The following DOC2B variants were observed in gnomAD, a reference collection of about 807,000 sequenced individuals.
DOC2B encodes double C2 domain beta.
A neutral mutation model predicts 28.9 loss-of-function variants in DOC2B; 21 were observed. The observed-to-expected ratio is 0.73, with a 90% CI of 0.52 to 1.05. The LOEUF is 1.05. Ranked by LOEUF, DOC2B falls within the 50% of genes least tolerant of loss-of-function variation. DOC2B has a pLI of 0.00. For missense variants in DOC2B, 384 were observed against 421.1 expected (o/e 0.91, Z 0.77); for synonymous variants, 194 against 178.1 (o/e 1.09, Z -0.71).
rs1023847973 is a variant in DOC2B, at chr17:147,494, C to G, written c.1186G>C (p.Glu396Gln). The change falls in exon 9 of 9, where the codon GAG becomes CAG. Residue 396 changes from glutamate to glutamine, a missense_variant. By Grantham distance (29) the Glu-to-Gln change is conservative (BLOSUM62 2). Coordinates refer to ENST00000613549, the MANE Select transcript of DOC2B (RefSeq NM_003585.5). ...DCLKNKDKRI[E>Q]RWHTLTSELP... ...TCGCTGGTGAGCGTGTGCCAGCGCT[C>G]GATGCGCTTGTCCTTGTTCTTCAGG... 7.5e-6 allele frequency: 3 copies of G among 398,826 alleles called. No individual in the cohort carries two copies. Among genetic ancestry groups the G allele is most frequent in the Middle Eastern group, 6.3e-4 (1 of 1,588 alleles). 24.7% of individuals were successfully genotyped at this position (398,826 alleles called of 1,614,324 possible).
In DOC2B at chr17:164,160, G is replaced by C; in HGVS notation, c.498C>G (p.Val166=). The C allele has an allele frequency of 6.4e-7, 1 of 1,553,934 alleles. No homozygotes were observed. The highest frequency in any genetic ancestry group is 8.7e-7 in the Non-Finnish European group (1 of 1,148,096). Residue 166 remains valine (V), a synonymous_variant, in exon 3 of 9, where the codon GTC becomes GTG. Coordinates refer to ENST00000613549, the MANE Select transcript of DOC2B (RefSeq NM_003585.5). The stretch of plus-strand genomic sequence containing the variant: ...TGGCTCCTGGCAGCAGGTGCAGCTT[G>C]ACGTAGGGGTCTGCCAGCCCATTGT... ...MDHNGLADPY[V]KLHLLPGASK... is the part of the protein sequence containing the mutation.
At chr17:180,306 G>T (rs562101475) in intron 1 of DOC2B, among the ~76,000 whole-genome samples, 10 of 152,186 alleles carry the variant, frequency 6.6e-5, no homozygotes, top group South Asian at 2.1e-4. Flanking sequence ...GGGAAAAGGC[G>T]CCAGGAGCGC....
chr17:181,112 T>C lies in DOC2B; in HGVS notation c.368A>G (p.Asp123Gly). The change falls in exon 1 of 9, where the codon GAC (aspartate) becomes GGC (glycine). Residue 123 changes from aspartate to glycine, a missense_variant. Coordinates refer to ENST00000613549, the MANE Select transcript of DOC2B (RefSeq NM_003585.5). This position sits in a 1 kb window ranked among gnomAD's most constrained non-coding sequence, Gnocchi z 7.0. Reference sequence around the variant, plus strand: ...TCGGCGCGTGGGAAACTTACTGCAGTCGTCCGACTCGTAGCCGTCGGCGTC... The same window carrying C: ...TCGGCGCGTGGGAAACTTACTGCAGCCGTCCGACTCGTAGCCGTCGGCGTC... The part of the protein sequence containing the change: ...EPDADGYESD[D>G]CTALGTLDFS... 8.0e-7 allele frequency: 1 copy of C among 1,246,146 alleles called. No individual in the cohort carries two copies. The highest frequency in any genetic ancestry group is 1.0e-6 in the Non-Finnish European group (1 of 994,392). 77.2% of individuals were successfully genotyped at this position (1,246,146 alleles called of 1,614,324 possible). A position where few individuals can be genotyped will look rare whatever the true frequency, so the allele number is the denominator to read the frequency against.
At chr17:147,665 G>T (rs1309149239) in intron 8 of DOC2B, 88 bp from the exon 9 acceptor site, 1 of 398,564 alleles carries the variant, frequency 2.5e-6, no homozygotes, top group Admixed American at 4.4e-5. Context: ...TTCTGTGCTC[G>T]AAGGCCAGCC....
At chr17:147,616 C>T in intron 8 of DOC2B, 39 bp from the exon 9 acceptor site, 5 of 398,846 alleles carry the variant, frequency 1.3e-5, no homozygotes, top group South Asian at 1.3e-4. Flanking sequence ...GCACAGGGAC[C>T]CCCAACTCCC....
rs751400300 is a variant in DOC2B, at chr17:172,527, C to T, written c.453+10G>A. 1.4e-5 allele frequency: 22 copies of T among 1,549,324 alleles called. No individual in the cohort carries two copies. Among genetic ancestry groups the T allele is most frequent in the Non-Finnish European group, 1.7e-5 (19 of 1,145,552 alleles). ...GGCAGGGAATTTGGGGGCAGGCTGG[C>T]GGGGCCTACCTTGGCCTTGGTGATG... On this transcript the variant is annotated intron_variant, in intron 2 of 8. Coordinates refer to ENST00000613549, the MANE Select transcript of DOC2B (RefSeq NM_003585.5).
chr17:150,178 A>T (rs2040056792), intron 6 of DOC2B, among the ~76,000 whole-genome samples: 1 of 152,206 alleles, frequency 6.6e-6, no homozygotes, highest in East Asian at 1.9e-4. Flanking sequence ...AGGCTGGAGA[A>T]GGGGACAAGA....
At chr17:149,651 A>G (rs2040051912) in intron 6 of DOC2B, among the ~76,000 whole-genome samples, 1 of 151,900 alleles carries the variant, frequency 6.6e-6, no homozygotes, top group African/African-American at 2.4e-5. Flanking sequence ...GACTACAGGC[A>G]TGTGCCGCCA....
At chr17:156,433 T>C (rs1456914796) in intron 5 of DOC2B, 56 bp from the exon 6 acceptor site, 2 of 1,529,100 alleles carry the variant, frequency 1.3e-6, no homozygotes, top group Non-Finnish European at 1.8e-6. Context: ...CTCTTGGCCG[T>C]CCTTGGCCTC....
At chr17:175,621 A>G (rs2040361345) in intron 1 of DOC2B, among the ~76,000 whole-genome samples, 1 of 152,236 alleles carries the variant, frequency 6.6e-6, no homozygotes, top group African/African-American at 2.4e-5. Flanking sequence ...GCAGACACAC[A>G]TGGCTGGTCC....
chr17:160,980 T>A (rs2040195490), intron 5 of DOC2B, among the ~76,000 whole-genome samples: 1 of 152,072 alleles, frequency 6.6e-6, no homozygotes, highest in African/African-American at 2.4e-5. Context: ...CAGGCTTCAG[T>A]GGCTCAGGCC....
chr17:159,311 C>T (rs752246030), intron 5 of DOC2B, among the ~76,000 whole-genome samples: 4 of 151,580 alleles, frequency 2.6e-5, no homozygotes, highest in African/African-American at 9.7e-5. Flanking sequence ...GCCAACATGG[C>T]GAACCCCCGT....
intron 7 of DOC2B, 74 bp from the exon 8 acceptor site, chr17:148,343 G>T: frequency 2.5e-6 from 1 of 398,540 alleles, no homozygotes; most frequent in Non-Finnish European, 4.4e-6. Flanking sequence ...GGGGTATGAG[G>T]TGTAGGGACA....
At chr17:179,322 T>C (rs34891882) in intron 1 of DOC2B, among the ~76,000 whole-genome samples, 86,705 of 150,960 alleles carry the variant, frequency 0.57, 26,065 homozygotes, top group East Asian at 0.85. Flanking sequence ...GCTGAGCTGA[T>C]GGATTGGAGA....
chr17:169,511 A>C (rs1213431284), intron 2 of DOC2B, among the ~76,000 whole-genome samples: 1 of 152,118 alleles, frequency 6.6e-6, no homozygotes, highest in Non-Finnish European at 1.5e-5. Context: ...AGAAGTAAAA[A>C]AAAGTGGTTG....
rs1158518115 is a variant in DOC2B at position 143,800 on chromosome 17, T to C, written c.*3641A>G. 6 of 152,028 alleles carry C rather than the reference T, an allele frequency of 3.9e-5. No homozygotes were observed. The highest frequency in any genetic ancestry group is 3.9e-4 in the Admixed American group (6 of 15,288). The allele number at this position is 152,028 out of a possible 1,614,324, so 9.4% of individuals were successfully genotyped here. ...GTAGGTCAGACCAAAATACAAAACT[T>C]GTCTGTGGGACTGCAGTTTGAGGAC... On this transcript the variant is annotated 3_prime_UTR_variant, in exon 9 of 9. Transcript: ENST00000613549.
chr17:158,556 G>A (rs989015529), intron 5 of DOC2B, among the ~76,000 whole-genome samples: 10 of 152,160 alleles, frequency 6.6e-5, no homozygotes, highest in Admixed American at 3.9e-4. Flanking sequence ...ATGGCTAATC[G>A]ATCCTAGCAT....
chr17:147,654 G>C (rs1326327186), intron 8 of DOC2B, 77 bp from the exon 9 acceptor site: 1 of 398,594 alleles, frequency 2.5e-6, no homozygotes, highest in Non-Finnish European at 4.4e-6. Flanking sequence ...CCCCTCCCAG[G>C]TTCTGTGCTC....
chr17:163,416 C>G (rs921619154), intron 3 of DOC2B: 2 of 152,198 alleles, frequency 1.3e-5, no homozygotes, highest in Non-Finnish European at 2.9e-5. Flanking sequence ...GGGCCCCAGG[C>G]CTACCCATTT....
Sources: gnomAD v4.1 joint callset for allele counts (sites outside exome capture counted in the v4.1 genomes callset) on GRCh38, gnomAD v4.1.1 for gene constraint, Gnocchi (gnomAD v3.1) non-coding constraint, MANE v1.5 for transcripts, NCBI Gene and HGNC (gene_info 2026-07-23, HGNC 2026-07-21) for gene names.